The following CDK15 variants were observed in gnomAD, a reference collection of about 807,000 sequenced individuals.
CDK15 encodes cyclin dependent kinase 15.
Under a neutral mutation model 60.3 loss-of-function variants are expected in CDK15, and 62 were observed. The observed-to-expected ratio is 1.03, with a 90% confidence interval of 0.84 to 1.27. The LOEUF (loss-of-function observed/expected upper bound fraction) is 1.27. Among genes scored for constraint, CDK15 ranks in the 50% most tolerant of loss-of-function variants. The probability of loss-of-function intolerance (pLI) is 0.00; values close to 1 mark genes in which losing one functional copy is unlikely to be tolerated. For synonymous variants in CDK15, 194 were observed against 195.7 expected (o/e 0.99, Z 0.07); for missense variants, 541 against 527.8 (o/e 1.03, Z -0.25).
chr2:201,873,778 C>G (rs2105820467), intron 11 of CDK15, among the ~76,000 whole-genome samples: 1 of 152,316 alleles, frequency 6.6e-6, no homozygotes, highest in African/African-American at 2.4e-5. Flanking sequence ...CTAGGCTGGG[C>G]CCGGTGGCTT....
chr2:201,872,932 G>A (rs533190555), intron 11 of CDK15, among the ~76,000 whole-genome samples: 5 of 152,192 alleles, frequency 3.3e-5, no homozygotes, highest in African/African-American at 7.2e-5. Context: ...GTAATTAGCC[G>A]AGGCTCTGTT....
intron 6 of CDK15, among the ~76,000 whole-genome samples, chr2:201,830,721 G>A (rs559090524): frequency 9.9e-5 from 15 of 152,276 alleles, no homozygotes; most frequent in African/African-American, 2.9e-4. Context: ...GTGAATGACC[G>A]CTAAAAGAAG....
chr2:201,863,510 C>T (rs1290893190), intron 10 of CDK15, among the ~76,000 whole-genome samples: 1 of 152,208 alleles, frequency 6.6e-6, no homozygotes, highest in African/African-American at 2.4e-5. Flanking sequence ...ACCAGAGCCT[C>T]CTTCTCCATG....
intron 4 of CDK15, among the ~76,000 whole-genome samples, chr2:201,819,807 G>C (rs1696144000): frequency 6.6e-6 from 1 of 152,208 alleles, no homozygotes; most frequent in Admixed American, 6.5e-5. Context: ...TTTCCGCAAA[G>C]AAACTGTGGG....
intron 9 of CDK15, among the ~76,000 whole-genome samples, chr2:201,853,868 TTGG>T (rs879783709): frequency 3.4e-4 from 52 of 152,160 alleles, no homozygotes; most frequent in Admixed American, 3.3e-3. Flanking sequence ...GGGCTTTAAA[TTGG>T]TCATTCAAGG....
chr2:201,828,743 C>T (rs1366436066), intron 6 of CDK15, among the ~76,000 whole-genome samples: 1 of 152,202 alleles, frequency 6.6e-6, no homozygotes, highest in Non-Finnish European at 1.5e-5. Flanking sequence ...GCAAGCCACC[C>T]TCCAGAAGCC....
chr2:201,889,556 T>C (rs190148259), intron 12 of CDK15: 118 of 369,428 alleles, frequency 3.2e-4, no homozygotes, highest in African/African-American at 2.5e-3. Context: ...TGTCAACTTT[T>C]GGAGGAACTG....
At chr2:201,852,327 C>A (rs1697948046) in intron 9 of CDK15, among the ~76,000 whole-genome samples, 5 of 152,134 alleles carry the variant, frequency 3.3e-5, no homozygotes. Flanking sequence ...AATCTCCTAA[C>A]CTCTAACCAT....
chr2:201,832,765 A>G (rs867294843), intron 6 of CDK15, among the ~76,000 whole-genome samples: 2 of 152,320 alleles, frequency 1.3e-5, no homozygotes, highest in Admixed American at 6.5e-5. Context: ...TGTTAGATCA[A>G]TACTGGTCCT....
chr2:201,814,727 A>C (rs1695918794), intron 4 of CDK15, among the ~76,000 whole-genome samples: 1 of 152,218 alleles, frequency 6.6e-6, no homozygotes, highest in Non-Finnish European at 1.5e-5. Context: ...CCTCTTTAAA[A>C]AGCCTTGAAG....
intron 9 of CDK15, among the ~76,000 whole-genome samples, chr2:201,849,262 T>G (rs1697802008): frequency 6.6e-6 from 1 of 152,254 alleles, no homozygotes; most frequent in South Asian, 2.1e-4. Flanking sequence ...GATGCTTGCT[T>G]TCTTCCTGTC....
At chr2:201,854,715 C>A in intron 9 of CDK15, 159 bp from the exon 10 acceptor site, 1 of 619,128 alleles carries the variant, frequency 1.6e-6, no homozygotes, top group East Asian at 2.8e-5. Context: ...TGGAAACACT[C>A]AAGTTTCTTT....
chr2:201,847,929 G>A (rs747197880), intron 9 of CDK15, among the ~76,000 whole-genome samples: 3 of 152,162 alleles, frequency 2.0e-5, no homozygotes, highest in Admixed American at 6.5e-5. Flanking sequence ...CCAGGAGTTC[G>A]AGACCAGCCT....
At chr2:201,834,791 C>G (rs1159737993) in intron 7 of CDK15, among the ~76,000 whole-genome samples, 7 of 152,216 alleles carry the variant, frequency 4.6e-5, no homozygotes, top group Non-Finnish European at 8.8e-5. Context: ...AATGGTGATA[C>G]TATCACTGCA....
chr2:201,853,330 A>AT (rs1368682852), intron 9 of CDK15, among the ~76,000 whole-genome samples: 1 of 152,120 alleles, frequency 6.6e-6, no homozygotes, highest in Admixed American at 6.6e-5. Flanking sequence ...GGGTGGCATG[A>AT]TTTTTTTATT....
intron 4 of CDK15, among the ~76,000 whole-genome samples, chr2:201,821,882 C>T (rs7567942): frequency 0.26 from 40,063 of 151,700 alleles, 5,412 homozygotes; most frequent in East Asian, 0.4. Flanking sequence ...GGTTTCACCG[C>T]GTTGGCCAGG....
intron 8 of CDK15, among the ~76,000 whole-genome samples, chr2:201,836,051 A>ATGTAT (rs1697025714): frequency 1.6e-5 from 1 of 62,342 alleles, no homozygotes. Flanking sequence ...ATATATTTAT[A>ATGTAT]TATATATTAT....
chr2:201,866,226 G>C (rs1698628213), intron 10 of CDK15, among the ~76,000 whole-genome samples: 1 of 152,082 alleles, frequency 6.6e-6, no homozygotes, highest in South Asian at 2.1e-4. Context: ...TCAGTAGACA[G>C]CACTATAAGA....
At chr2:201,816,069 A>G (rs1452003962) in intron 4 of CDK15, among the ~76,000 whole-genome samples, 1 of 152,246 alleles carries the variant, frequency 6.6e-6, no homozygotes, top group African/African-American at 2.4e-5. Context: ...TAAAAATAGA[A>G]ATCTGTTTTT....
Sources: gnomAD v4.1 joint callset for allele counts (sites outside exome capture counted in the v4.1 genomes callset) on GRCh38, gnomAD v4.1.1 for gene constraint, MANE v1.5 for transcripts, NCBI Gene and HGNC (gene_info 2026-07-23, HGNC 2026-07-21) for gene names.